The following TNS3 variants were observed in gnomAD, a reference collection of about 807,000 sequenced individuals.
The protein encoded by TNS3 is tensin 3, also known as tensin-3.
Under a neutral mutation model 140.9 loss-of-function variants are expected in TNS3, and 45 were observed. That is an observed-to-expected ratio of 0.32 (90% confidence interval 0.25 to 0.41). The LOEUF is 0.41. Among genes scored for constraint, TNS3 ranks in the 10% least tolerant of loss-of-function variants. The pLI is 1.00. For synonymous variants in TNS3, 815 were observed against 788.4 expected, an observed-to-expected ratio of 1.03 and a Z score of -0.56; for missense variants, 1,716 against 1,906.7, an observed-to-expected ratio of 0.90 and a Z score of 1.86.
chr7:47,534,845 C>T (rs1424737409), intron 1 of TNS3, among the ~76,000 whole-genome samples: 1 of 152,084 alleles, frequency 6.6e-6, no homozygotes, highest in Non-Finnish European at 1.5e-5. Flanking sequence ...GTGTCATTAC[C>T]GTAATCACCA....
chr7:47,490,277 T>C (rs543724981), intron 3 of TNS3, among the ~76,000 whole-genome samples: 24 of 152,218 alleles, frequency 1.6e-4, no homozygotes, highest in Non-Finnish European at 2.6e-4. Context: ...TAATTAATAA[T>C]AAAGTAATAA....
intron 17 of TNS3, among the ~76,000 whole-genome samples, chr7:47,350,270 G>C (rs1789588531): frequency 6.6e-6 from 1 of 152,142 alleles, no homozygotes. Context: ...CTTCCTCCCG[G>C]ACATGTCCTG....
chr7:47,457,095 A>T (rs1796276781), intron 4 of TNS3, among the ~76,000 whole-genome samples: 1 of 113,776 alleles, frequency 8.8e-6, no homozygotes, highest in Non-Finnish European at 1.8e-5. Flanking sequence ...TTATCCCTGG[A>T]GGTGTGCTGG....
intron 7 of TNS3, among the ~76,000 whole-genome samples, chr7:47,435,980 C>T (rs1216509919): frequency 2.0e-5 from 3 of 152,212 alleles, no homozygotes. Flanking sequence ...TCCTGAGGCA[C>T]ACACAAGTCC....
At chr7:47,412,839 AT>A (rs547254323) in intron 12 of TNS3, among the ~76,000 whole-genome samples, 43 of 152,366 alleles carry the variant, frequency 2.8e-4, no homozygotes, top group African/African-American at 7.0e-4. Context: ...TGTAACAACT[AT>A]TTTCACAGCC....
Position 47,345,017 on chromosome 7 carries a change from G to A in TNS3, c.2473C>T (p.Gln825Ter). The change falls in exon 19 of 31, where the codon CAG becomes TAG. Residue 825 changes from glutamine to a stop codon, truncating the protein, a stop_gained. Transcript: ENST00000311160. LOFTEE classifies it high-confidence loss of function. ...VKETMTPGYP[Q>*]DLDIIDGRIL... ...CTGCCATCGATAATATCGAGGTCCT[G>A]GGGATAGCCAGGGGTCATCGTCTGA... 6.2e-7 allele frequency: 1 copy of A among 1,613,994 alleles called. No homozygotes were observed. The highest frequency in any genetic ancestry group is 1.1e-5 in the South Asian group (1 of 91,070).
At chr7:47,557,218 C>A in intron 1 of TNS3, 1 of 446,410 alleles carries the variant, frequency 2.2e-6, no homozygotes. Flanking sequence ...TACAAGCGTC[C>A]TACGTAAGGG....
intron 20 of TNS3, among the ~76,000 whole-genome samples, chr7:47,332,593 A>G (rs1467180953): frequency 6.6e-6 from 1 of 151,986 alleles, no homozygotes; most frequent in African/African-American, 2.4e-5. Flanking sequence ...CACAATTCTC[A>G]TAGACAATGG....
At chr7:47,278,411 G>T in intron 30 of TNS3, 191 bp from the exon 31 acceptor site, 1 of 618,926 alleles carries the variant, frequency 1.6e-6, no homozygotes, top group Non-Finnish European at 2.8e-6. Flanking sequence ...CTACAGATGG[G>T]ATGTCTGACT....
intron 24 of TNS3, among the ~76,000 whole-genome samples, chr7:47,296,499 G>A (rs1786033653): frequency 1.3e-5 from 2 of 152,184 alleles, no homozygotes; most frequent in Non-Finnish European, 2.9e-5. Flanking sequence ...ACAGGTTGGT[G>A]CAAAAGTCAT....
intron 1 of TNS3, among the ~76,000 whole-genome samples, chr7:47,564,193 C>A (rs375716578): frequency 0.011 from 1,076 of 97,822 alleles, no homozygotes; most frequent in African/African-American, 0.015. Flanking sequence ...GACTCTGTCT[C>A]AAAAAAAAAA....
At chr7:47,529,011 G>C in intron 2 of TNS3, 25 bp downstream of exon 2, 1 of 1,223,546 alleles carries the variant, frequency 8.2e-7, no homozygotes. Context: ...ATTAATCAGT[G>C]AGAGAATCAT....
In TNS3 at chr7:47,567,607, C is replaced by T. The variant is rs142026691; in HGVS notation, c.-265+14444G>A. ...GCTGAGGCAGACGAATGGAGTGAAG[C>T]TGGGAGACGGAGCTTCCAGTGAGCA... On this transcript the variant is annotated intron_variant, in intron 1 of 30. Transcript: ENST00000311160. Among the ~76,000 whole-genome samples the T allele has an allele frequency of 6.6e-3, 988 of 148,972 alleles. 27 individuals carry two copies. The highest frequency in any genetic ancestry group is 0.053 in the Admixed American group (792 of 14,804).
At chr7:47,508,615 G>A (rs932536639) in intron 2 of TNS3, among the ~76,000 whole-genome samples, 3 of 152,208 alleles carry the variant, frequency 2.0e-5, no homozygotes, top group Admixed American at 6.5e-5. Flanking sequence ...ATCATGCAGC[G>A]GTTAGCCTTC....
chr7:47,292,456 T>A (rs930345787), intron 26 of TNS3, among the ~76,000 whole-genome samples: 1 of 152,226 alleles, frequency 6.6e-6, no homozygotes, highest in South Asian at 2.1e-4. Flanking sequence ...GAACAGTGCA[T>A]CCATCATCTA....
intron 8 of TNS3, among the ~76,000 whole-genome samples, chr7:47,428,975 C>T (rs1444564506): frequency 6.6e-6 from 1 of 152,186 alleles, no homozygotes; most frequent in East Asian, 1.9e-4. Flanking sequence ...CCAGCAACAC[C>T]AGCAGGAGAA....
rs765097212 is a variant in TNS3 at position 47,368,892 on chromosome 7, G to A, written c.1754C>T (p.Ser585Phe). 1.8e-5 allele frequency: 29 copies of A among 1,613,522 alleles called. No homozygotes were observed. Among genetic ancestry groups the A allele is most frequent in the Non-Finnish European group, 2.4e-5 (28 of 1,179,852 alleles). The change falls in exon 17 of 31, where the codon TCC (serine) becomes TTC (phenylalanine). Residue 585 changes from serine (S) to phenylalanine (F), a missense_variant. This residue lies in a region of TNS3 where 1,163 missense variants were observed against 1,182.1 expected (regional missense o/e 0.98). Transcript: ENST00000311160. ...CTGCTGGCGCACCCAGGTCTGTGTG[G>A]AGTAGCTGCTCTGCCCATAGGCCTG... ...QMQAYGQSSY[S>F]TQTWVRQQQM...
intron 2 of TNS3, among the ~76,000 whole-genome samples, chr7:47,518,309 G>A (rs910398676): frequency 3.3e-5 from 5 of 152,026 alleles, no homozygotes; most frequent in Non-Finnish European, 7.4e-5. Flanking sequence ...GGATGTCGCC[G>A]CAAGGTCCCT....
chr7:47,341,420 G>T (rs1196642388), intron 20 of TNS3, among the ~76,000 whole-genome samples: 1 of 152,148 alleles, frequency 6.6e-6, no homozygotes, highest in East Asian at 1.9e-4. Flanking sequence ...TAGTTACAGG[G>T]TATTCAAGTA....
Sources: allele counts gnomAD v4.1 joint callset (sites outside exome capture counted in the v4.1 genomes callset), GRCh38; gene constraint gnomAD v4.1.1; regional missense constraint gnomAD v4.1.1; transcripts MANE v1.5; gene names NCBI Gene and HGNC (gene_info 2026-07-23, HGNC 2026-07-21).